Variants in TIMP2 observed in about 807,000 individuals in gnomAD.
The protein encoded by TIMP2 is TIMP metallopeptidase inhibitor 2.
Under a neutral mutation model 24.3 loss-of-function variants are expected in TIMP2, and 5 were observed. That is an observed-to-expected ratio of 0.21 (90% CI 0.11 to 0.43). The LOEUF is 0.43. Among genes scored for constraint, TIMP2 ranks in the 20% least tolerant of loss-of-function variants. The pLI is 1.00. For missense variants in TIMP2, 221 were observed against 297.5 expected (o/e 0.74, Z 1.89); for synonymous variants, 130 against 123.2 (o/e 1.06, Z -0.37).
At chr17:78,889,894 C>T (rs557367074) in intron 1 of TIMP2, among the ~76,000 whole-genome samples, 31 of 152,272 alleles carry the variant, frequency 2.0e-4, no homozygotes, top group African/African-American at 7.2e-4. Flanking sequence ...CCAAGGCAGG[C>T]GGATCACGAG....
intron 4 of TIMP2, chr17:78,856,968 A>G (rs1376438605): frequency 6.6e-6 from 1 of 152,216 alleles, no homozygotes; most frequent in Admixed American, 6.5e-5. Flanking sequence ...TTACTCTCAA[A>G]TCTCCTAGCC....
rs149794595 is a variant in TIMP2, at chr17:78,885,628, G to A, written c.131-11709C>T. Among the ~76,000 whole-genome samples the A allele has an allele frequency of 2.0e-5, 3 of 152,282 alleles. No homozygotes were observed. In the East Asian group the frequency reaches 5.8e-4, roughly 29 times the overall value. On this transcript the variant is annotated intron_variant, in intron 1 of 4. Transcript: ENST00000262768. ...GGCAGGGGGCAGGCCCTGTGCACTT[G>A]TGTCCGGAAGAGAGGTGGTGGGAAG...
At chr17:78,893,144 T>A (rs2069930226) in intron 1 of TIMP2, among the ~76,000 whole-genome samples, 3 of 137,568 alleles carry the variant, frequency 2.2e-5, no homozygotes, top group South Asian at 4.8e-4. Context: ...TGTGTGTGCG[T>A]ACATGTGTGT....
chr17:78,871,449 CAAAAAA>C (rs749440079), intron 2 of TIMP2, among the ~76,000 whole-genome samples: 19 of 122,584 alleles, frequency 1.5e-4, no homozygotes, highest in African/African-American at 4.7e-4. Context: ...AAGACTCCGT[CAAAAAA>C]AAAAAAAAAA....
intron 3 of TIMP2, among the ~76,000 whole-genome samples, chr17:78,870,421 A>AAAAGAAAGAAAGAAAG (rs374853871): frequency 3.4e-4 from 23 of 68,406 alleles, no homozygotes; most frequent in African/African-American, 9.1e-4. Flanking sequence ...GTCTCAAAAA[A>AAAAGAAAGAAAGAAAG]AAAGAAAGAA....
chr17:78,894,532 G>T (rs777504538), intron 1 of TIMP2, among the ~76,000 whole-genome samples: 1 of 152,072 alleles, frequency 6.6e-6, no homozygotes, highest in Admixed American at 6.6e-5. Flanking sequence ...AAGGTGCCAC[G>T]GCAATTTAAT....
intron 3 of TIMP2, among the ~76,000 whole-genome samples, chr17:78,859,134 C>T (rs1369056931): frequency 6.6e-6 from 1 of 152,180 alleles, no homozygotes. Flanking sequence ...TTATGAAGAG[C>T]CAAAGCATGG....
At chr17:78,906,809 C>T (rs1378278890) in intron 1 of TIMP2, among the ~76,000 whole-genome samples, 1 of 152,178 alleles carries the variant, frequency 6.6e-6, no homozygotes. Flanking sequence ...TCTTGAACTC[C>T]TGACCTCAGG....
chr17:78,883,034 C>T (rs72851216), intron 1 of TIMP2, among the ~76,000 whole-genome samples: 13,094 of 152,240 alleles, frequency 0.086, 722 homozygotes, highest in South Asian at 0.2. Context: ...AAAAGAGGGC[C>T]GTGACTTGGT....
intron 1 of TIMP2, among the ~76,000 whole-genome samples, chr17:78,919,655 A>G (rs2070293522): frequency 6.6e-6 from 1 of 152,152 alleles, no homozygotes. Context: ...TAACACGGTG[A>G]AACCCCGTCT....
At chr17:78,869,430 A>C (rs2069652616) in intron 3 of TIMP2, among the ~76,000 whole-genome samples, 1 of 148,726 alleles carries the variant, frequency 6.7e-6, no homozygotes, top group African/African-American at 2.5e-5. Flanking sequence ...AAAAAAAAAC[A>C]AACCAAAAAA....
At chr17:78,921,653 G>C (rs2070309326) in intron 1 of TIMP2, among the ~76,000 whole-genome samples, 1 of 152,212 alleles carries the variant, frequency 6.6e-6, no homozygotes, top group East Asian at 1.9e-4. Context: ...CGGGCCAGCA[G>C]CGCATTTGAA....
chr17:78,891,462 ACT>A lies in TIMP2; in HGVS notation c.131-17545_131-17544del, dbSNP rs2069893059. The stretch of plus-strand genomic sequence containing the variant: ...TTCAGCTTTCTGTTTATATTAAACA[ACT>A]CTTCAAAGGCCAACTCCAGCTCTTT... On this transcript the variant is annotated intron_variant, in intron 1 of 4. Coordinates refer to ENST00000262768, the MANE Select transcript of TIMP2 (RefSeq NM_003255.5). The surrounding 1 kb of genome is among the most constrained non-coding windows in gnomAD (Gnocchi z 4.5). 1.3e-6 allele frequency: 2 copies of A among 1,550,828 alleles called. No individual in the cohort carries two copies. The highest frequency in any genetic ancestry group is 8.7e-7 in the Non-Finnish European group (1 of 1,147,044).
chr17:78,892,547 C>T, intron 1 of TIMP2: 3 of 1,464,026 alleles, frequency 2.0e-6, no homozygotes, highest in Admixed American at 5.3e-5. Flanking sequence ...GGGATTCTCA[C>T]TGTGAGGACA....
At chr17:78,872,413 A>G (rs1415958283) in intron 2 of TIMP2, among the ~76,000 whole-genome samples, 1 of 152,080 alleles carries the variant, frequency 6.6e-6, no homozygotes, top group Non-Finnish European at 1.5e-5. Context: ...CATGTGATTT[A>G]CTCACAGCCT....
intron 1 of TIMP2, among the ~76,000 whole-genome samples, chr17:78,905,793 C>T (rs2070153396): frequency 6.6e-6 from 1 of 152,364 alleles, no homozygotes. Context: ...GCCAACTCAG[C>T]CTTGAGAGTC....
intron 1 of TIMP2, among the ~76,000 whole-genome samples, chr17:78,888,813 G>C (rs1366703469): frequency 3.3e-5 from 5 of 152,166 alleles, no homozygotes; most frequent in Admixed American, 6.5e-5. Flanking sequence ...AATATTCTGG[G>C]TCTTGGGTCT....
rs1369836830 is a variant in TIMP2 at position 78,893,447 on chromosome 17, C to G, written c.131-19528G>C. Among the ~76,000 whole-genome samples the G allele has an allele frequency of 8.8e-3, 418 of 47,636 alleles. 5 individuals are homozygous for G. The highest frequency in any genetic ancestry group is 0.037 in the African/African-American group (313 of 8,478). 31.3% of individuals were successfully genotyped at this position (47,636 alleles called of 152,430 possible). ...TGTGTGCAGGGGTGTGTGCGTGGGG[C>G]TGTGTGTGCAGGGGTGTGTGTGCAT... On this transcript the variant is annotated intron_variant, in intron 1 of 4. Coordinates refer to ENST00000262768, the MANE Select transcript of TIMP2 (RefSeq NM_003255.5).
chr17:78,886,689 G>A (rs1328544706), intron 1 of TIMP2, among the ~76,000 whole-genome samples: 1 of 152,156 alleles, frequency 6.6e-6, no homozygotes, highest in Admixed American at 6.5e-5. Flanking sequence ...TCTGGAAGCA[G>A]AGGATAGAAA....
Sources: allele counts gnomAD v4.1 joint callset (sites outside exome capture counted in the v4.1 genomes callset), GRCh38; gene constraint gnomAD v4.1.1; non-coding constraint Gnocchi (gnomAD v3.1); transcripts MANE v1.5; gene names NCBI Gene and HGNC (gene_info 2026-07-23, HGNC 2026-07-21).